Variants in CTNNA3 observed in about 807,000 individuals in gnomAD.
CTNNA3 encodes catenin alpha 3, also known as catenin alpha-3.
Under a neutral mutation model 95.7 loss-of-function variants are expected in CTNNA3, and 76 were observed. The ratio of observed to expected loss-of-function variants is 0.79; its 90% CI spans 0.66 to 0.96. CTNNA3 has a LOEUF of 0.96. CTNNA3 is among the 40% of genes least tolerant of loss of function. The pLI is 0.00. For synonymous variants in CTNNA3, 431 were observed against 374.4 expected, an observed-to-expected ratio of 1.15 and a Z score of -1.74; for missense variants, 1,191 against 1,089.8, an observed-to-expected ratio of 1.09 and a Z score of -1.31.
intron 5 of CTNNA3, among the ~76,000 whole-genome samples, chr10:67,405,020 G>A (rs1845082808): frequency 6.6e-6 from 1 of 152,136 alleles, no homozygotes; most frequent in Non-Finnish European, 1.5e-5. Context: ...GAGGGAATTT[G>A]TTACCACCAG....
At chr10:66,624,838 G>A (rs752602600) in intron 9 of CTNNA3, among the ~76,000 whole-genome samples, 1 of 152,114 alleles carries the variant, frequency 6.6e-6, no homozygotes, top group Admixed American at 6.6e-5. Context: ...CTAGCAATAT[G>A]TGTATGTCCT....
chr10:66,041,491 G>T lies in CTNNA3; in HGVS notation c.2159+27817C>A, dbSNP rs546310502. Among the ~76,000 whole-genome samples the T allele has an allele frequency of 1.3e-4, 20 of 152,328 alleles. No homozygotes were observed. The South Asian group carries it at 3.9e-3, about 30-fold the overall frequency. On this transcript the variant is annotated intron_variant, in intron 15 of 17. Coordinates refer to ENST00000433211, the MANE Select transcript of CTNNA3 (RefSeq NM_013266.4). Reference sequence around the variant, plus strand: ...AACATTCAGGGAAGCCAAGCAATGTGTAGATGAGTGCTCTCTGCATGTTTT... The same window carrying T: ...AACATTCAGGGAAGCCAAGCAATGTTTAGATGAGTGCTCTCTGCATGTTTT...
At chr10:66,253,696 C>T (rs1955295) in intron 13 of CTNNA3, among the ~76,000 whole-genome samples, 84,391 of 151,952 alleles carry the variant, frequency 0.56, 24,807 homozygotes, top group African/African-American at 0.76. Context: ...GTGGTGTATG[C>T]ATGTGTGTTT....
intron 4 of CTNNA3, among the ~76,000 whole-genome samples, chr10:67,531,139 G>A (rs1840312211): frequency 6.6e-6 from 1 of 152,230 alleles, no homozygotes; most frequent in Non-Finnish European, 1.5e-5. Flanking sequence ...GAGTGGAAGG[G>A]AAATGTGGTG....
At chr10:65,977,426 T>C (rs1049057037) in intron 16 of CTNNA3, among the ~76,000 whole-genome samples, 1 of 152,188 alleles carries the variant, frequency 6.6e-6, no homozygotes, top group Non-Finnish European at 1.5e-5. Flanking sequence ...TTTCAAGACT[T>C]TTATTCCATA....
At chr10:66,558,778 T>G (rs536763872) in intron 10 of CTNNA3, among the ~76,000 whole-genome samples, 24 of 152,192 alleles carry the variant, frequency 1.6e-4, no homozygotes, top group African/African-American at 5.5e-4. Flanking sequence ...GTGGGGGAAA[T>G]GACTGGTTAT....
chr10:66,334,699 C>T (rs922313562), intron 12 of CTNNA3, among the ~76,000 whole-genome samples: 1 of 151,952 alleles, frequency 6.6e-6, no homozygotes, highest in Non-Finnish European at 1.5e-5. Context: ...GTGAATCTGA[C>T]AATTATGTGT....
At chr10:65,979,473 T>C (rs1341631890) in intron 16 of CTNNA3, among the ~76,000 whole-genome samples, 2 of 152,100 alleles carry the variant, frequency 1.3e-5, no homozygotes, top group East Asian at 1.9e-4. Context: ...TGCATTATCC[T>C]GTACATAAAA....
At chr10:67,285,081 T>G (rs1839545109) in intron 5 of CTNNA3, among the ~76,000 whole-genome samples, 1 of 152,222 alleles carries the variant, frequency 6.6e-6, no homozygotes, top group Non-Finnish European at 1.5e-5. Flanking sequence ...TACTCATTTC[T>G]CTGAGCTATC....
intron 11 of CTNNA3, among the ~76,000 whole-genome samples, chr10:66,504,023 T>C (rs1840366498): frequency 6.6e-6 from 1 of 152,190 alleles, no homozygotes; most frequent in Admixed American, 6.5e-5. Context: ...AATTAACATA[T>C]ACATCACCTC....
rs61866954 is a variant in CTNNA3, at chr10:67,577,016, G to A, written c.292+29841C>T. On this transcript the variant is annotated intron_variant, in intron 3 of 17. Coordinates refer to ENST00000433211, the MANE Select transcript of CTNNA3 (RefSeq NM_013266.4). ...GTGAAGAGTGCCACAATAAACATAC[G>A]TGTGCATGTGTCTTTATAGCAGCAT... Among the ~76,000 whole-genome samples the A allele has an allele frequency of 6.3e-3, 947 of 149,516 alleles. 6 individuals are homozygous for A. Among genetic ancestry groups the A allele is most frequent in the Non-Finnish European group, 9.7e-3 (661 of 67,834 alleles).
intron 7 of CTNNA3, among the ~76,000 whole-genome samples, chr10:66,803,598 A>T (rs1841519160): frequency 6.6e-6 from 1 of 152,054 alleles, no homozygotes; most frequent in Non-Finnish European, 1.5e-5. Context: ...AACATGAACC[A>T]TTTATTGAAT....
At chr10:66,871,641 T>A (rs1844415388) in intron 7 of CTNNA3, among the ~76,000 whole-genome samples, 2 of 148,746 alleles carry the variant, frequency 1.3e-5, no homozygotes, top group African/African-American at 5.0e-5. Flanking sequence ...AGAATTCCCA[T>A]CAAAATTTGG....
At chr10:66,888,565 A>G (rs1845137859) in intron 7 of CTNNA3, among the ~76,000 whole-genome samples, 1 of 151,128 alleles carries the variant, frequency 6.6e-6, no homozygotes, top group African/African-American at 2.4e-5. Context: ...TTTTTAAGCA[A>G]TGGGGAAAAA....
rs140036612 is a variant in CTNNA3, at chr10:66,990,561, T to C, written c.1047+189756A>G. Among the ~76,000 whole-genome samples the C allele has an allele frequency of 8.3e-3, 1,270 of 152,288 alleles. 11 individuals carry two copies. Among genetic ancestry groups the C allele is most frequent in the Non-Finnish European group, 0.013 (902 of 68,024 alleles). On this transcript the variant is annotated intron_variant, in intron 7 of 17. Transcript: ENST00000433211. ...TAGAAATCATCTAGTTCTAGTCTAA[T>C]ACCCACATTTAGCATTCAAGGTAAC... is the stretch of plus-strand genomic sequence containing the variant.
At chr10:66,115,217 C>A (rs151001075) in intron 13 of CTNNA3, among the ~76,000 whole-genome samples, 2 of 152,214 alleles carry the variant, frequency 1.3e-5, no homozygotes, top group Non-Finnish European at 2.9e-5. Context: ...GATGTGGACA[C>A]AGAAAAAATC....
Position 65,996,147 on chromosome 10 carries a change from C to T in CTNNA3, c.2160-7350G>A, listed in dbSNP as rs182511391. On this transcript the variant is annotated intron_variant, in intron 15 of 17. Coordinates refer to ENST00000433211, the MANE Select transcript of CTNNA3 (RefSeq NM_013266.4). The stretch of plus-strand genomic sequence containing the variant: ...TGGCTCTCAGGCTCTTGGAAGTATA[C>T]GCTTCAGTGTCCAGAATTGGTGGAA... 2.4e-4 allele frequency among the ~76,000 whole-genome samples: 36 copies of T among 152,142 alleles called. 1 individual carries two copies. The highest frequency in any genetic ancestry group is 8.0e-4 in the African/African-American group (33 of 41,428).
chr10:67,124,820 C>T (rs1859639167), intron 7 of CTNNA3, among the ~76,000 whole-genome samples: 1 of 152,108 alleles, frequency 6.6e-6, no homozygotes, highest in Non-Finnish European at 1.5e-5. Context: ...AACTAATTTG[C>T]CAACATGTTT....
intron 15 of CTNNA3, among the ~76,000 whole-genome samples, chr10:66,055,270 AT>A (rs978069301): frequency 5.3e-5 from 8 of 152,108 alleles, no homozygotes; most frequent in African/African-American, 1.7e-4. Context: ...TGTCATTGGT[AT>A]TTTGACACAG....
Sources: allele counts gnomAD v4.1 joint callset (sites outside exome capture counted in the v4.1 genomes callset), GRCh38; gene constraint gnomAD v4.1.1; transcripts MANE v1.5; gene names NCBI Gene and HGNC (gene_info 2026-07-23, HGNC 2026-07-21).